Variants in WNT9A observed in about 807,000 individuals in gnomAD.
The protein encoded by WNT9A is protein Wnt-9a.
WNT9A carries 8 observed loss-of-function variants against 31.4 expected under a neutral mutation model. That is an observed-to-expected ratio of 0.26 (90% CI 0.15 to 0.46). The LOEUF (loss-of-function observed/expected upper bound fraction) is 0.46, where lower values mean the gene tolerates loss of function less well. Among genes scored for constraint, WNT9A ranks in the 20% least tolerant of loss-of-function variants. The probability of loss-of-function intolerance (pLI) is 0.99; values close to 1 mark genes in which losing one functional copy is unlikely to be tolerated. For missense variants in WNT9A, 457 were observed against 522.9 expected (o/e 0.87, Z 1.23); for synonymous variants, 236 against 220.1 (o/e 1.07, Z -0.64).
At chr1:227,936,533 C>T (rs567433929) in intron 1 of WNT9A, among the ~76,000 whole-genome samples, 4 of 152,272 alleles carry the variant, frequency 2.6e-5, no homozygotes, top group African/African-American at 7.2e-5. Context: ...CGGGGTTTCA[C>T]CATGTTGGTC....
chr1:227,924,080 A>ACCC, intron 3 of WNT9A, 58 bp downstream of exon 3: 8 of 344,434 alleles, frequency 2.3e-5, no homozygotes, highest in South Asian at 2.3e-4. Context: ...CCCACCCCCA[A>ACCC]CCCCCTGACG....
chr1:227,936,057 C>T (rs1472513617), intron 1 of WNT9A, among the ~76,000 whole-genome samples: 2 of 152,252 alleles, frequency 1.3e-5, no homozygotes, highest in African/African-American at 4.8e-5. Flanking sequence ...CTTCCTGCAT[C>T]TTGTTATGCA....
chr1:227,922,110 A>G, intron 3 of WNT9A, 110 bp from the exon 4 acceptor site: 1 of 1,469,488 alleles, frequency 6.8e-7, no homozygotes, highest in Non-Finnish European at 9.0e-7. Flanking sequence ...ACCCAGGCCC[A>G]GGCCCTGCCG....
intron 1 of WNT9A, among the ~76,000 whole-genome samples, chr1:227,946,884 A>C (rs1377533769): frequency 6.6e-6 from 1 of 152,068 alleles, no homozygotes; most frequent in Non-Finnish European, 1.5e-5. Flanking sequence ...CAGGGCGTCC[A>C]GGTCGGGGGC....
At chr1:227,930,325 T>C (rs1666488141) in intron 1 of WNT9A, among the ~76,000 whole-genome samples, 1 of 152,140 alleles carries the variant, frequency 6.6e-6, no homozygotes, top group Admixed American at 6.5e-5. Context: ...GCATGCGCGT[T>C]TGTGGCTGCA....
chr1:227,936,186 TTTTC>T (rs1325315284), intron 1 of WNT9A, among the ~76,000 whole-genome samples: 1 of 151,454 alleles, frequency 6.6e-6, no homozygotes, highest in African/African-American at 2.4e-5. Flanking sequence ...CAGTTTTTCT[TTTTC>T]TTTTTCTTTT....
chr1:227,947,474 G>A (rs1349790335), intron 1 of WNT9A, among the ~76,000 whole-genome samples: 2 of 152,134 alleles, frequency 1.3e-5, no homozygotes, highest in Non-Finnish European at 1.5e-5. Flanking sequence ...AGGACACGGC[G>A]GCCCAAGGAA....
chr1:227,925,717 C>T lies in WNT9A; in HGVS notation c.96-198G>A, dbSNP rs367876156. On this transcript the variant is annotated intron_variant, in intron 1 of 3. Coordinates refer to ENST00000272164, the MANE Select transcript of WNT9A (RefSeq NM_003395.4). The surrounding 1 kb of genome is among the most constrained non-coding windows in gnomAD (Gnocchi z 6.0). ...CCCTGCACACCCATGGCCCCCACTC[C>T]AGCGAGCATGGTCTCAGTGACCACA... is the stretch of plus-strand genomic sequence containing the variant. Among the ~76,000 whole-genome samples, 7 of 151,960 alleles carry T rather than the reference C, an allele frequency of 4.6e-5. No individual in the cohort carries two copies. In the East Asian group the frequency reaches 1.4e-3, roughly 29 times the overall value.
At chr1:227,937,122 C>T (rs1437581506) in intron 1 of WNT9A, among the ~76,000 whole-genome samples, 2 of 152,246 alleles carry the variant, frequency 1.3e-5, no homozygotes, top group South Asian at 4.1e-4. Flanking sequence ...GCCTTACTTA[C>T]TTTTCTCCCC....
chr1:227,944,727 C>T (rs1666768272), intron 1 of WNT9A, among the ~76,000 whole-genome samples: 1 of 152,248 alleles, frequency 6.6e-6, no homozygotes, highest in Non-Finnish European at 1.5e-5. Flanking sequence ...GGCCTCCAGG[C>T]TACTGAGGCC....
At position 227,928,037 on chromosome 1, in the gene WNT9A, C is replaced by A. The variant is rs1666449242; in HGVS notation, c.96-2518G>T. On this transcript the variant is annotated intron_variant, in intron 1 of 3. Transcript: ENST00000272164. The surrounding 1 kb of genome is among the most constrained non-coding windows in gnomAD (Gnocchi z 4.5). ...CCATCTACCAGAGCCACCCCTCCCT[C>A]CCTGTCAAGGATATCAGCCTGCCCT... is the stretch of plus-strand genomic sequence containing the variant. Among the ~76,000 whole-genome samples the A allele has an allele frequency of 6.6e-6, 1 of 152,086 alleles. No homozygotes were observed. Among genetic ancestry groups the A allele is most frequent in the African/African-American group, 2.4e-5 (1 of 41,394 alleles).
At chr1:227,932,396 C>A (rs912112264) in intron 1 of WNT9A, among the ~76,000 whole-genome samples, 3 of 152,210 alleles carry the variant, frequency 2.0e-5, no homozygotes, top group African/African-American at 7.2e-5. Flanking sequence ...CTTGCTGCTT[C>A]CACCACATCT....
In WNT9A at chr1:227,925,157, C is replaced by T. The variant is rs1331200725; in HGVS notation, c.352+106G>A. 1.3e-5 allele frequency: 19 copies of T among 1,411,508 alleles called. 1 individual carries two copies. Among genetic ancestry groups the T allele is most frequent in the African/African-American group, 5.8e-5 (4 of 68,410 alleles). 87.4% of individuals were successfully genotyped at this position (1,411,508 alleles called of 1,614,324 possible). On this transcript the variant is annotated intron_variant, in intron 2 of 3. Coordinates refer to ENST00000272164, the MANE Select transcript of WNT9A (RefSeq NM_003395.4). This position sits in a 1 kb window ranked among gnomAD's most constrained non-coding sequence, Gnocchi z 6.0. The stretch of plus-strand genomic sequence containing the variant: ...CCAGGAGCTCTGGGCAGGCTGGGCC[C>T]GGCGTCCCCAGGAGCGCAGCCTAAG...
intron 1 of WNT9A, among the ~76,000 whole-genome samples, chr1:227,932,360 C>T (rs1666527811): frequency 6.6e-6 from 1 of 152,194 alleles, no homozygotes; most frequent in South Asian, 2.1e-4. Flanking sequence ...GTCCCATTTC[C>T]AGGCTCTACT....
rs1558257544 is a variant in WNT9A, at chr1:227,921,479, C to T, written c.*39G>A. 3 of 1,581,220 alleles carry T rather than the reference C, an allele frequency of 1.9e-6. No individual in the cohort carries two copies. The highest frequency in any genetic ancestry group is 2.6e-6 in the Non-Finnish European group (3 of 1,162,398). Reference sequence around the variant, plus strand: ...TAGACCCTTCACACCGTGTGCAATGCCTGCACCCTGTGCAGCAGGGCTGGC... The same window carrying T: ...TAGACCCTTCACACCGTGTGCAATGTCTGCACCCTGTGCAGCAGGGCTGGC... On this transcript the variant is annotated 3_prime_UTR_variant, in exon 4 of 4. Coordinates refer to ENST00000272164, the MANE Select transcript of WNT9A (RefSeq NM_003395.4).
At chr1:227,939,144 G>A (rs1362817697) in intron 1 of WNT9A, among the ~76,000 whole-genome samples, 1 of 152,220 alleles carries the variant, frequency 6.6e-6, no homozygotes, top group Admixed American at 6.5e-5. Flanking sequence ...ACACCCATAC[G>A]TGGCTGCGGC....
chr1:227,930,894 G>A (rs1252603843), intron 1 of WNT9A, among the ~76,000 whole-genome samples: 3 of 151,768 alleles, frequency 2.0e-5, no homozygotes, highest in African/African-American at 2.4e-5. Context: ...GGAGGCATAC[G>A]CCTGTAATCC....
chr1:227,940,844 A>T (rs573668912), intron 1 of WNT9A, among the ~76,000 whole-genome samples: 1 of 152,330 alleles, frequency 6.6e-6, no homozygotes, highest in African/African-American at 2.4e-5. Context: ...GGAGGGCAAC[A>T]GGCTCCTGGG....
At chr1:227,931,118 A>G (rs1037993398) in intron 1 of WNT9A, among the ~76,000 whole-genome samples, 1 of 152,002 alleles carries the variant, frequency 6.6e-6, no homozygotes, top group African/African-American at 2.4e-5. Context: ...GAAGAGTCTA[A>G]CACTGCCACC....
Sources: allele counts gnomAD v4.1 joint callset (sites outside exome capture counted in the v4.1 genomes callset), GRCh38; gene constraint gnomAD v4.1.1; non-coding constraint Gnocchi (gnomAD v3.1); transcripts MANE v1.5; gene names NCBI Gene and HGNC (gene_info 2026-07-23, HGNC 2026-07-21).